The following NEK11 variants were observed in gnomAD, a reference collection of about 807,000 sequenced individuals.
NEK11 encodes serine/threonine-protein kinase Nek11.
In NEK11, 72 loss-of-function variants were observed where a neutral mutation model predicts 80.7. The observed-to-expected ratio is 0.89, with a 90% CI of 0.74 to 1.08. The LOEUF (loss-of-function observed/expected upper bound fraction) is 1.08, where lower values mean the gene tolerates loss of function less well. Among genes scored for constraint, NEK11 ranks in the 50% least tolerant of loss-of-function variants. The pLI is 0.00. For missense variants in NEK11, 764 were observed against 763.6 expected, an observed-to-expected ratio of 1.00 and a Z score of -0.01; for synonymous variants, 251 against 260.7, an observed-to-expected ratio of 0.96 and a Z score of 0.36.
At chr3:131,081,215 G>A (rs950957025) in intron 4 of NEK11, among the ~76,000 whole-genome samples, 3 of 152,138 alleles carry the variant, frequency 2.0e-5, no homozygotes, top group Admixed American at 6.5e-5. Context: ...ATGCTTAGAC[G>A]GACATTTAAA....
rs1426121463 is a variant in NEK11, at chr3:131,155,046, G to A, written c.887G>A (p.Cys296Tyr). 6.2e-7 allele frequency: 1 copy of A among 1,603,014 alleles called. No homozygotes were observed. Among genetic ancestry groups the A allele is most frequent in the African/African-American group, 1.3e-5 (1 of 74,838 alleles). The stretch of plus-strand genomic sequence containing the variant: ...TGATCTTTTTTTCAGAACCTAATGT[G>A]TAGATATTCAGAAATGACTCTGGAA... ...YLDEQLQNLM[C>Y]RYSEMTLEDK... The change falls in exon 10 of 18, where the codon TGT becomes TAT. Residue 296 changes from cysteine to tyrosine, a missense_variant. Cys to Tyr is a radical substitution (Grantham distance 194, BLOSUM62 -2). Transcript: ENST00000383366.
At chr3:131,205,435 A>G (rs2094415213) in intron 14 of NEK11, among the ~76,000 whole-genome samples, 1 of 152,164 alleles carries the variant, frequency 6.6e-6, no homozygotes, top group South Asian at 2.1e-4. Context: ...AAGTGTCAGG[A>G]AAAAAGGCTC....
chr3:131,274,058 C>G (rs1478888345), intron 17 of NEK11, among the ~76,000 whole-genome samples: 1 of 150,898 alleles, frequency 6.6e-6, no homozygotes, highest in Non-Finnish European at 1.5e-5. Flanking sequence ...GCTGCACCCA[C>G]TAACTCATCG....
chr3:131,215,700 A>G (rs76245020), intron 14 of NEK11, among the ~76,000 whole-genome samples: 2,258 of 152,316 alleles, frequency 0.015, 57 homozygotes, highest in African/African-American at 0.052. Context: ...CCCCTGCTAC[A>G]TCCACAACTG....
At chr3:131,267,217 T>G (rs2096075737) in intron 16 of NEK11, among the ~76,000 whole-genome samples, 1 of 152,256 alleles carries the variant, frequency 6.6e-6, no homozygotes, top group Non-Finnish European at 1.5e-5. Context: ...ATGTGTGAAT[T>G]TGATCCTGTC....
chr3:131,254,955 G>A (rs1407426226), intron 16 of NEK11, among the ~76,000 whole-genome samples: 1 of 151,928 alleles, frequency 6.6e-6, no homozygotes, highest in East Asian at 1.9e-4. Context: ...AAGAGGTGGA[G>A]GTTGCAGCAA....
At chr3:131,057,148 T>A (rs956238021) in intron 3 of NEK11, among the ~76,000 whole-genome samples, 2 of 151,356 alleles carry the variant, frequency 1.3e-5, no homozygotes, top group African/African-American at 4.9e-5. Context: ...TTTGGTTTTT[T>A]GTCCTTGAGA....
intron 17 of NEK11, chr3:131,327,780 C>G (rs1256747145): frequency 6.7e-6 from 1 of 149,068 alleles, no homozygotes; most frequent in Non-Finnish European, 1.5e-5. Flanking sequence ...TGTGCCAAAT[C>G]TCTTTTCTGA....
intron 17 of NEK11, among the ~76,000 whole-genome samples, chr3:131,300,373 CTTTAA>C (rs781429760): frequency 9.2e-5 from 14 of 152,200 alleles, no homozygotes; most frequent in African/African-American, 1.9e-4. Flanking sequence ...TGCAGAAGCT[CTTTAA>C]TTTAATTAAG....
intron 14 of NEK11, among the ~76,000 whole-genome samples, chr3:131,190,408 A>G (rs995560794): frequency 6.6e-6 from 1 of 152,190 alleles, no homozygotes; most frequent in African/African-American, 2.4e-5. Context: ...GCTTAATGTC[A>G]TCCCTAAAGT....
chr3:131,069,755 C>T (rs970950390), intron 3 of NEK11, among the ~76,000 whole-genome samples: 1 of 150,914 alleles, frequency 6.6e-6, no homozygotes, highest in African/African-American at 2.4e-5. Context: ...CATATTCTCA[C>T]TCATAGGTGG....
chr3:131,162,348 T>C lies in NEK11; in HGVS notation c.963-60T>C, dbSNP rs2091703127. ...TAGTGATACTTTTATAAAATATTTG[T>C]TTAATTTTTCTGAACATGTTTGGGA... On this transcript the variant is annotated intron_variant, in intron 10 of 17. Coordinates refer to ENST00000383366, the MANE Select transcript of NEK11 (RefSeq NM_024800.5). 8 of 1,576,764 alleles carry C rather than the reference T, an allele frequency of 5.1e-6. No homozygotes were observed. In the South Asian group the frequency reaches 9.4e-5, roughly 19 times the overall value.
chr3:131,219,567 A>AG, intron 14 of NEK11, among the ~76,000 whole-genome samples: 1 of 151,634 alleles, frequency 6.6e-6, no homozygotes. Context: ...AAAAAAAAAA[A>AG]AGAGGAATAA....
At chr3:131,103,645 C>G (rs555031222) in intron 4 of NEK11, among the ~76,000 whole-genome samples, 65 of 152,274 alleles carry the variant, frequency 4.3e-4, no homozygotes, top group African/African-American at 1.5e-3. Context: ...TGGCACTGTA[C>G]CTGCATTTCT....
intron 5 of NEK11, among the ~76,000 whole-genome samples, chr3:131,122,086 A>C (rs941847929): frequency 2.0e-5 from 3 of 152,164 alleles, no homozygotes; most frequent in African/African-American, 7.2e-5. Flanking sequence ...TGTAGACTGG[A>C]ACTGTTCCTA....
chr3:131,038,682 C>A (rs995445634), intron 3 of NEK11, among the ~76,000 whole-genome samples: 1 of 152,120 alleles, frequency 6.6e-6, no homozygotes, highest in African/African-American at 2.4e-5. Flanking sequence ...AAAAATAATT[C>A]TTTTTTCTTA....
chr3:131,049,830 C>G (rs1173637805), intron 3 of NEK11, among the ~76,000 whole-genome samples: 1 of 151,898 alleles, frequency 6.6e-6, no homozygotes, highest in Non-Finnish European at 1.5e-5. Context: ...GTTTTTTAAA[C>G]TATATATCTA....
At chr3:131,042,037 G>A (rs1428341321) in intron 3 of NEK11, among the ~76,000 whole-genome samples, 1 of 152,168 alleles carries the variant, frequency 6.6e-6, no homozygotes, top group Non-Finnish European at 1.5e-5. Flanking sequence ...GAAGCTGTGA[G>A]GGACTGTGCC....
At chr3:131,048,019 C>T (rs2067691475) in intron 3 of NEK11, among the ~76,000 whole-genome samples, 2 of 152,144 alleles carry the variant, frequency 1.3e-5, no homozygotes, top group South Asian at 4.1e-4. Context: ...GGTATTATGG[C>T]TGCCTCTGCT....
Sources: gnomAD v4.1 joint callset for allele counts (sites outside exome capture counted in the v4.1 genomes callset) on GRCh38, gnomAD v4.1.1 for gene constraint, MANE v1.5 for transcripts, NCBI Gene and HGNC (gene_info 2026-07-23, HGNC 2026-07-21) for gene names.